TNIP3: variants seen among roughly 807,000 people sequenced by gnomAD.
TNIP3 encodes the protein TNFAIP3 interacting protein 3.
TNIP3 carries 34 observed loss-of-function variants against 54.1 expected under a neutral mutation model. The observed-to-expected ratio is 0.63, with a 90% CI of 0.48 to 0.84. The LOEUF (loss-of-function observed/expected upper bound fraction) is 0.84. TNIP3 is among the 40% of genes least tolerant of loss of function. TNIP3 has a pLI of 0.00. For synonymous variants in TNIP3, 134 were observed against 136.8 expected (o/e 0.98, Z 0.14); for missense variants, 366 against 387.6 (o/e 0.94, Z 0.47).
chr4:121,208,707 T>G (rs1726316399), intron 2 of TNIP3, among the ~76,000 whole-genome samples: 1 of 152,182 alleles, frequency 6.6e-6, no homozygotes, highest in South Asian at 2.1e-4. Flanking sequence ...AAAGTGGGTG[T>G]GATATAATAA....
upstream of TNIP3, among the ~76,000 whole-genome samples, chr4:121,165,999 G>T (rs1730747578): frequency 6.6e-6 from 1 of 152,100 alleles, no homozygotes; most frequent in Admixed American, 6.5e-5. Context: ...ATAGTGTAAG[G>T]TTCTCTTCAG....
Position 121,147,115 on chromosome 4 carries a change from T to A in TNIP3, c.669A>T (p.Gln223His). The A allele has an allele frequency of 6.2e-7, 1 of 1,613,560 alleles. No individual in the cohort carries two copies. Among genetic ancestry groups the A allele is most frequent in the South Asian group, 1.1e-5 (1 of 91,008 alleles). Residue 223 changes from glutamine to histidine, a missense_variant, in exon 7 of 11, where the codon CAA (glutamine) becomes CAT (histidine). Physicochemically the swap from Gln to His is conservative, Grantham distance 24. Coordinates refer to ENST00000057513, the MANE Select transcript of TNIP3 (RefSeq NM_024873.6). ...TAATTTGCTGTAGCTCCTCTTTCTC[T>A]TGATTAAGTCTCTCTCGATCCGATC... Reference protein sequence around the residue: ...KERSDRERLNQEKEELQQINE... With the variant: ...KERSDRERLNHEKEELQQINE...
intron 9 of TNIP3, among the ~76,000 whole-genome samples, chr4:121,139,305 CA>C (rs1400206252): frequency 6.6e-6 from 1 of 152,118 alleles, no homozygotes; most frequent in African/African-American, 2.4e-5. Flanking sequence ...AGGTTTACAC[CA>C]GTTAAGAACA....
intron 1 of TNIP3, among the ~76,000 whole-genome samples, chr4:121,227,125 G>C (rs932566337): frequency 6.6e-6 from 1 of 151,862 alleles, no homozygotes; most frequent in African/African-American, 2.4e-5. Flanking sequence ...GTGCACAAAG[G>C]GGCTAACTAA....
intron 2 of TNIP3, among the ~76,000 whole-genome samples, chr4:121,192,414 A>G (rs1442273732): frequency 1.3e-5 from 2 of 152,210 alleles, no homozygotes. Context: ...GATAAAGCGC[A>G]AGCCACTTTT....
intron 6 of TNIP3, among the ~76,000 whole-genome samples, chr4:121,147,450 G>C (rs6852366): frequency 0.036 from 5,464 of 152,204 alleles, 329 homozygotes; most frequent in African/African-American, 0.12. Context: ...TAAATTATAA[G>C]TTGAATGCAA....
At chr4:121,175,926 T>C (rs1189956362) in intron 3 of TNIP3, among the ~76,000 whole-genome samples, 4 of 152,188 alleles carry the variant, frequency 2.6e-5, no homozygotes, top group Non-Finnish European at 5.9e-5. Flanking sequence ...TATTAGAAAA[T>C]AGAGTTCAAG....
chr4:121,138,480 T>G (rs993195972), intron 10 of TNIP3, 144 bp downstream of exon 10: 2 of 697,926 alleles, frequency 2.9e-6, no homozygotes, highest in African/African-American at 3.6e-5. Context: ...TAACCCCAGG[T>G]GCATCAAATT....
intron 2 of TNIP3, among the ~76,000 whole-genome samples, chr4:121,192,310 T>C (rs2148833516): frequency 6.6e-6 from 1 of 152,328 alleles, no homozygotes; most frequent in Non-Finnish European, 1.5e-5. Context: ...TTGAAATATT[T>C]GGAAGACGTC....
intron 2 of TNIP3, among the ~76,000 whole-genome samples, chr4:121,205,454 A>G (rs1428597966): frequency 6.6e-6 from 1 of 152,060 alleles, no homozygotes; most frequent in Non-Finnish European, 1.5e-5. Context: ...AAAACTTTGC[A>G]TTTTACTCTG....
At chr4:121,164,652 G>C (rs1730658140), upstream of TNIP3, among the ~76,000 whole-genome samples, 1 of 152,210 alleles carries the variant, frequency 6.6e-6, no homozygotes, top group African/African-American at 2.4e-5. Context: ...TTCTAAATGT[G>C]AGTGTAGCTT....
chr4:121,220,454 C>G (rs550219410), upstream of TNIP3, among the ~76,000 whole-genome samples: 1 of 152,212 alleles, frequency 6.6e-6, no homozygotes, highest in South Asian at 2.1e-4. Context: ...AATCTGAAAA[C>G]AGAATGCTTT....
chr4:121,160,575 C>T (rs116262483), intron 2 of TNIP3, among the ~76,000 whole-genome samples: 1,971 of 152,184 alleles, frequency 0.013, 21 homozygotes, highest in Non-Finnish European at 0.02. Context: ...TAAAGAGGTT[C>T]TAACATTCAT....
intron 6 of TNIP3, among the ~76,000 whole-genome samples, chr4:121,147,887 A>G (rs568534556): frequency 6.6e-6 from 1 of 152,340 alleles, no homozygotes; most frequent in Admixed American, 6.5e-5. Context: ...TATCAATTTT[A>G]TTGTTCTAAG....
At chr4:121,224,573 C>T (rs1219435171) in intron 1 of TNIP3, among the ~76,000 whole-genome samples, 1 of 152,112 alleles carries the variant, frequency 6.6e-6, no homozygotes, top group Non-Finnish European at 1.5e-5. Context: ...AGAACACTCT[C>T]TAATTAGAAA....
At chr4:121,206,302 C>A (rs928269869) in intron 2 of TNIP3, among the ~76,000 whole-genome samples, 6 of 151,872 alleles carry the variant, frequency 4.0e-5, no homozygotes, top group South Asian at 2.1e-4. Context: ...CAAAATGAAC[C>A]TTTTGCTAAA....
At chr4:121,225,194 C>T (rs1368435825) in intron 1 of TNIP3, among the ~76,000 whole-genome samples, 2 of 152,190 alleles carry the variant, frequency 1.3e-5, no homozygotes, top group Non-Finnish European at 1.5e-5. Context: ...TCACAATGAT[C>T]CATTAACTAT....
intron 10 of TNIP3, chr4:121,136,795 C>G (rs1728811232): frequency 7.3e-6 from 1 of 137,632 alleles, no homozygotes; most frequent in Non-Finnish European, 1.5e-5. Context: ...TTTAAGGGTA[C>G]AGTGAGCTAT....
intron 2 of TNIP3, among the ~76,000 whole-genome samples, chr4:121,205,080 C>A (rs1177954629): frequency 1.3e-5 from 2 of 152,060 alleles, no homozygotes; most frequent in Non-Finnish European, 2.9e-5. Flanking sequence ...AGCATTTTAA[C>A]AGGTAATAGG....
Sources: allele counts gnomAD v4.1 joint callset (sites outside exome capture counted in the v4.1 genomes callset), GRCh38; gene constraint gnomAD v4.1.1; transcripts MANE v1.5; gene names NCBI Gene and HGNC (gene_info 2026-07-23, HGNC 2026-07-21).